The following HIPK2 variants were observed in gnomAD, a reference collection of about 807,000 sequenced individuals.
HIPK2 encodes homeodomain interacting protein kinase 2, also known as homeodomain-interacting protein kinase 2.
Under a neutral mutation model 113.7 loss-of-function variants are expected in HIPK2, and 27 were observed. The observed-to-expected ratio is 0.24, with a 90% confidence interval of 0.17 to 0.33. The LOEUF (loss-of-function observed/expected upper bound fraction) is 0.33, where lower values mean the gene tolerates loss of function less well. HIPK2 is among the 10% of genes least tolerant of loss of function. HIPK2 has a pLI of 1.00. For missense variants in HIPK2, 1,257 were observed against 1,588.0 expected (o/e 0.79, Z 3.54); for synonymous variants, 631 against 642.2 (o/e 0.98, Z 0.26).
At chr7:139,647,707 T>C (rs559580069) in intron 2 of HIPK2, among the ~76,000 whole-genome samples, 4 of 152,170 alleles carry the variant, frequency 2.6e-5, no homozygotes, top group Non-Finnish European at 1.5e-5. Flanking sequence ...TAAGTGGAGA[T>C]AGGGAGGAGG....
intron 2 of HIPK2, among the ~76,000 whole-genome samples, chr7:139,636,761 A>G (rs1800827198): frequency 6.6e-6 from 1 of 152,194 alleles, no homozygotes; most frequent in African/African-American, 2.4e-5. Flanking sequence ...CTATTTCAGC[A>G]GCCCTAGGAA....
chr7:139,773,978 G>C (rs1247753145), intron 1 of HIPK2, among the ~76,000 whole-genome samples: 1 of 152,156 alleles, frequency 6.6e-6, no homozygotes, highest in Non-Finnish European at 1.5e-5. Flanking sequence ...CTATAGAAGA[G>C]AAATTCTCTA....
Position 139,572,077 on chromosome 7 carries a change from G to T in HIPK2, c.*850C>A, listed in dbSNP as rs1432640755. 6.6e-6 allele frequency: 1 copy of T among 152,234 alleles called. No individual in the cohort carries two copies. 9.4% of individuals were successfully genotyped at this position (152,234 alleles called of 1,614,324 possible). On this transcript the variant is annotated 3_prime_UTR_variant, in exon 15 of 15. Coordinates refer to ENST00000406875, the MANE Select transcript of HIPK2 (RefSeq NM_022740.5). Reference sequence around the variant, plus strand: ...GTGACGACCGCTAGCCCTACGCTACGCGACTAGGGGTGGATTCAAAGAGAA... The same window carrying T: ...GTGACGACCGCTAGCCCTACGCTACTCGACTAGGGGTGGATTCAAAGAGAA...
At chr7:139,689,308 A>G (rs1016320444) in intron 2 of HIPK2, among the ~76,000 whole-genome samples, 1 of 152,214 alleles carries the variant, frequency 6.6e-6, no homozygotes, top group African/African-American at 2.4e-5. Context: ...CAATCATCAC[A>G]ATGAAGCCCA....
intron 2 of HIPK2, among the ~76,000 whole-genome samples, chr7:139,677,286 T>C (rs957386845): frequency 3.3e-5 from 5 of 152,166 alleles, no homozygotes; most frequent in South Asian, 4.1e-4. Flanking sequence ...CACACATATA[T>C]ACACATTTTT....
chr7:139,703,341 A>G (rs1794768062), intron 2 of HIPK2, among the ~76,000 whole-genome samples: 1 of 152,132 alleles, frequency 6.6e-6, no homozygotes, highest in African/African-American at 2.4e-5. Context: ...AAGTGCGGAC[A>G]TCATCTGGCT....
intron 9 of HIPK2, among the ~76,000 whole-genome samples, chr7:139,612,095 C>T (rs1349626902): frequency 6.6e-6 from 1 of 151,614 alleles, no homozygotes; most frequent in Non-Finnish European, 1.5e-5. Flanking sequence ...CTACTAGATA[C>T]CAAGACAGAC....
At chr7:139,677,536 G>C (rs2116686226) in intron 2 of HIPK2, among the ~76,000 whole-genome samples, 1 of 152,232 alleles carries the variant, frequency 6.6e-6, no homozygotes, top group African/African-American at 2.4e-5. Flanking sequence ...AAGGTCAAGA[G>C]AGCAAGCTAA....
At chr7:139,652,437 C>T (rs895767995) in intron 2 of HIPK2, among the ~76,000 whole-genome samples, 3 of 152,176 alleles carry the variant, frequency 2.0e-5, no homozygotes, top group South Asian at 2.1e-4. Flanking sequence ...CCAGCATGTT[C>T]AAGACTCTGC....
chr7:139,695,988 G>A (rs1794555739), intron 2 of HIPK2, among the ~76,000 whole-genome samples: 1 of 152,180 alleles, frequency 6.6e-6, no homozygotes, highest in Non-Finnish European at 1.5e-5. Context: ...TAACAAATCA[G>A]GATTTGAGGA....
chr7:139,727,968 G>A (rs1240101590), intron 1 of HIPK2, among the ~76,000 whole-genome samples: 1 of 142,194 alleles, frequency 7.0e-6, no homozygotes, highest in African/African-American at 2.6e-5. Context: ...TTGAGACAGG[G>A]TCTCACTGTC....
intron 1 of HIPK2, among the ~76,000 whole-genome samples, chr7:139,753,674 T>C (rs1796316351): frequency 6.6e-6 from 1 of 152,148 alleles, no homozygotes; most frequent in African/African-American, 2.4e-5. Flanking sequence ...AGTGTATGCT[T>C]GCAGAGTGGC....
At chr7:139,581,708 C>G (rs747603768) in intron 13 of HIPK2, among the ~76,000 whole-genome samples, 1 of 152,162 alleles carries the variant, frequency 6.6e-6, no homozygotes, top group Admixed American at 6.5e-5. Flanking sequence ...AGGAAGGCTG[C>G]TTTCCCGACT....
At chr7:139,658,233 G>C (rs368745734) in intron 2 of HIPK2, among the ~76,000 whole-genome samples, 1 of 151,750 alleles carries the variant, frequency 6.6e-6, no homozygotes, top group African/African-American at 2.4e-5. Context: ...TTGAACCCAG[G>C]AGGCGGAGGT....
intron 13 of HIPK2, among the ~76,000 whole-genome samples, chr7:139,576,654 G>C (rs1798502006): frequency 6.6e-6 from 1 of 152,248 alleles, no homozygotes; most frequent in Non-Finnish European, 1.5e-5. Context: ...CAGGGAGAAG[G>C]CTGAGAGCGT....
intron 13 of HIPK2, among the ~76,000 whole-genome samples, chr7:139,579,344 T>C (rs922771890): frequency 6.6e-6 from 1 of 152,204 alleles, no homozygotes; most frequent in East Asian, 1.9e-4. Flanking sequence ...CTGAGCATCT[T>C]AGGTGAACTG....
chr7:139,580,465 G>A (rs1272791799), intron 13 of HIPK2, among the ~76,000 whole-genome samples: 1 of 152,206 alleles, frequency 6.6e-6, no homozygotes, highest in Non-Finnish European at 1.5e-5. Flanking sequence ...CTGTGGCGAT[G>A]GACAAAGCGA....
At chr7:139,679,947 G>A (rs1167118957) in intron 2 of HIPK2, among the ~76,000 whole-genome samples, 1 of 151,796 alleles carries the variant, frequency 6.6e-6, no homozygotes, top group Non-Finnish European at 1.5e-5. Flanking sequence ...ATTTTGACAT[G>A]GACATTAGTC....
At chr7:139,697,738 C>A (rs1030228768) in intron 2 of HIPK2, among the ~76,000 whole-genome samples, 1 of 152,084 alleles carries the variant, frequency 6.6e-6, no homozygotes, top group Non-Finnish European at 1.5e-5. Context: ...TAACGTTGTA[C>A]AAACCATCAC....
Sources: allele counts gnomAD v4.1 joint callset (sites outside exome capture counted in the v4.1 genomes callset), GRCh38; gene constraint gnomAD v4.1.1; transcripts MANE v1.5; gene names NCBI Gene and HGNC (gene_info 2026-07-23, HGNC 2026-07-21).